STK32B: variants seen among roughly 807,000 people sequenced by gnomAD.
The protein encoded by STK32B is serine/threonine kinase 32B.
Under a neutral mutation model 52.6 loss-of-function variants are expected in STK32B, and 43 were observed. The observed-to-expected ratio is 0.82, with a 90% CI of 0.64 to 1.05. The LOEUF (loss-of-function observed/expected upper bound fraction) is 1.05. Ranked by LOEUF, STK32B falls within the 50% of genes least tolerant of loss-of-function variation. STK32B has a pLI of 0.00. For synonymous variants in STK32B, 238 were observed against 204.3 expected (o/e 1.17, Z -1.41); for missense variants, 621 against 534.6 (o/e 1.16, Z -1.59).
chr4:5,157,180 T>C (rs1355757097), intron 2 of STK32B, among the ~76,000 whole-genome samples: 1 of 151,982 alleles, frequency 6.6e-6, no homozygotes, highest in South Asian at 2.1e-4. Context: ...TCTTTCAAGG[T>C]ACTGGGTCTC....
intron 3 of STK32B, among the ~76,000 whole-genome samples, chr4:5,293,478 C>G (rs186297474): frequency 6.6e-6 from 1 of 152,048 alleles, no homozygotes; most frequent in Non-Finnish European, 1.5e-5. Flanking sequence ...TAATGATTGC[C>G]GTTCTAACAG....
At chr4:5,050,542 G>A (rs1741721454), upstream of STK32B, among the ~76,000 whole-genome samples, 2 of 152,200 alleles carry the variant, frequency 1.3e-5, no homozygotes, top group East Asian at 1.9e-4. Context: ...ACTGGGGGAC[G>A]AGATAGGATG....
At chr4:5,060,854 T>C (rs1032557517) in intron 1 of STK32B, among the ~76,000 whole-genome samples, 1 of 152,216 alleles carries the variant, frequency 6.6e-6, no homozygotes, top group African/African-American at 2.4e-5. Context: ...TGCCCTCCAT[T>C]GTTTCTGAGC....
chr4:5,440,610 T>G (rs1714637297), intron 6 of STK32B, among the ~76,000 whole-genome samples: 1 of 152,230 alleles, frequency 6.6e-6, no homozygotes, highest in Non-Finnish European at 1.5e-5. Context: ...TTCTCCTGCC[T>G]AATTACCCTG....
chr4:5,086,942 T>C (rs1712763744), intron 1 of STK32B, among the ~76,000 whole-genome samples: 2 of 152,078 alleles, frequency 1.3e-5, no homozygotes, highest in African/African-American at 4.8e-5. Flanking sequence ...GTAAAGAGAG[T>C]CATTCAGAAA....
chr4:5,395,821 C>CT lies in STK32B; in HGVS notation c.435-2385dup, dbSNP rs1287836134. ...AGACTGGAGTTGGAACACAGACTGT[C>CT]TAGATCATGGGCTGAATTCTCCCAA... is the stretch of plus-strand genomic sequence containing the variant. On this transcript the variant is annotated intron_variant, in intron 4 of 11. Coordinates refer to ENST00000282908, the MANE Select transcript of STK32B (RefSeq NM_018401.3). This position sits in a 1 kb window ranked among gnomAD's most constrained non-coding sequence, Gnocchi z 4.4. 6.6e-6 allele frequency among the ~76,000 whole-genome samples: 1 copy of CT among 152,222 alleles called. No individual in the cohort carries two copies. The highest frequency in any genetic ancestry group is 2.4e-5 in the African/African-American group (1 of 41,466).
At chr4:5,247,597 C>T (rs559514005) in intron 3 of STK32B, among the ~76,000 whole-genome samples, 32 of 152,290 alleles carry the variant, frequency 2.1e-4, no homozygotes, top group African/African-American at 7.5e-4. Flanking sequence ...CACTGTCCGG[C>T]GCTTCCCTGT....
chr4:5,317,102 A>ATT (rs1279984623), intron 3 of STK32B, among the ~76,000 whole-genome samples: 1 of 37,452 alleles, frequency 2.7e-5, no homozygotes. Context: ...TATATGATAT[A>ATT]ATATATAATA....
chr4:5,220,421 G>C (rs1476700713), intron 3 of STK32B, among the ~76,000 whole-genome samples: 1 of 152,182 alleles, frequency 6.6e-6, no homozygotes, highest in Non-Finnish European at 1.5e-5. Context: ...GGACACCTAG[G>C]CCAGCATGAA....
At chr4:5,177,663 T>A (rs1374044397) in intron 3 of STK32B, among the ~76,000 whole-genome samples, 3 of 152,212 alleles carry the variant, frequency 2.0e-5, no homozygotes, top group African/African-American at 7.2e-5. Context: ...GTTAATTACT[T>A]CCTAGATACA....
rs560798224 is a variant in STK32B at position 5,296,795 on chromosome 4, A to G, written c.261-34425A>G. 3.9e-5 allele frequency among the ~76,000 whole-genome samples: 6 copies of G among 152,236 alleles called. No individual in the cohort carries two copies. In the South Asian group the frequency reaches 8.3e-4, roughly 21 times the overall value. Reference sequence around the variant, plus strand: ...GTTAATATTGTTACGTGTGAATTTGATCCTGTCATTATGATGCTAGCTGGT... The same window carrying G: ...GTTAATATTGTTACGTGTGAATTTGGTCCTGTCATTATGATGCTAGCTGGT... On this transcript the variant is annotated intron_variant, in intron 3 of 11. Transcript: ENST00000282908.
intron 4 of STK32B, among the ~76,000 whole-genome samples, chr4:5,367,199 G>T (rs1734933441): frequency 6.6e-6 from 1 of 152,150 alleles, no homozygotes; most frequent in African/African-American, 2.4e-5. Flanking sequence ...CATTGAAGTT[G>T]CTCTTGTCAC....
intron 3 of STK32B, among the ~76,000 whole-genome samples, chr4:5,254,040 C>T (rs1247893827): frequency 6.6e-6 from 1 of 152,186 alleles, no homozygotes; most frequent in Non-Finnish European, 1.5e-5. Flanking sequence ...CCGCCTCAGC[C>T]TCCCAAAGTG....
intron 11 of STK32B, among the ~76,000 whole-genome samples, chr4:5,492,786 G>A (rs1719857760): frequency 6.6e-6 from 1 of 151,296 alleles, no homozygotes; most frequent in Non-Finnish European, 1.5e-5. Flanking sequence ...TTAGCATGAA[G>A]GGTTGTTGAA....
intron 6 of STK32B, among the ~76,000 whole-genome samples, chr4:5,442,243 C>T (rs1395328224): frequency 6.8e-6 from 1 of 146,944 alleles, no homozygotes; most frequent in Admixed American, 6.9e-5. Flanking sequence ...GAGTCTAAGT[C>T]TCTTTGTAGG....
chr4:5,485,636 G>T (rs992195800), intron 11 of STK32B, among the ~76,000 whole-genome samples: 2 of 152,196 alleles, frequency 1.3e-5, no homozygotes, highest in African/African-American at 4.8e-5. Context: ...GTGAGGAGCT[G>T]CGTTCCTTTG....
intron 3 of STK32B, among the ~76,000 whole-genome samples, chr4:5,316,995 T>C (rs1435351692): frequency 0.037 from 1,005 of 27,460 alleles, 48 homozygotes; most frequent in Non-Finnish European, 0.045. Flanking sequence ...ATATATATGA[T>C]ATAATATATA....
intron 1 of STK32B, among the ~76,000 whole-genome samples, chr4:5,126,616 T>A (rs1715378301): frequency 6.6e-6 from 1 of 152,276 alleles, no homozygotes; most frequent in Non-Finnish European, 1.5e-5. Flanking sequence ...TTTTGTCATT[T>A]AGCTCTTCAT....
At chr4:5,239,924 TG>T (rs1488714635) in intron 3 of STK32B, among the ~76,000 whole-genome samples, 1 of 152,136 alleles carries the variant, frequency 6.6e-6, no homozygotes, top group African/African-American at 2.4e-5. Context: ...TCCCTCTGTC[TG>T]GGACTCTGCA....
Sources: gnomAD v4.1 joint callset for allele counts (sites outside exome capture counted in the v4.1 genomes callset) on GRCh38, gnomAD v4.1.1 for gene constraint, Gnocchi (gnomAD v3.1) non-coding constraint, MANE v1.5 for transcripts, NCBI Gene and HGNC (gene_info 2026-07-23, HGNC 2026-07-21) for gene names.